Variants in KIAA1549L observed in about 807,000 individuals in gnomAD.
KIAA1549L encodes the protein UPF0606 protein KIAA1549L.
A neutral mutation model predicts 160.7 loss-of-function variants in KIAA1549L; 88 were observed. The ratio of observed to expected loss-of-function variants is 0.55; its 90% CI spans 0.46 to 0.65. The LOEUF is 0.65. KIAA1549L is among the 30% of genes least tolerant of loss of function. The pLI is 0.00. For synonymous variants in KIAA1549L, 950 were observed against 976.7 expected (o/e 0.97, Z 0.51); for missense variants, 2,258 against 2,437.5 (o/e 0.93, Z 1.55).
At chr11:33,557,882 G>T (rs1168875370) in intron 6 of KIAA1549L, among the ~76,000 whole-genome samples, 1 of 151,992 alleles carries the variant, frequency 6.6e-6, no homozygotes, top group Non-Finnish European at 1.5e-5. Flanking sequence ...GTGAGACCCT[G>T]TCTCTAAATA....
chr11:33,585,486 C>G (rs916443997), intron 11 of KIAA1549L, among the ~76,000 whole-genome samples: 1 of 152,024 alleles, frequency 6.6e-6, no homozygotes, highest in Non-Finnish European at 1.5e-5. Context: ...CCGTTGCACT[C>G]TAGCCTGGGC....
At chr11:33,580,507 G>T (rs997723983) in intron 10 of KIAA1549L, among the ~76,000 whole-genome samples, 1 of 148,572 alleles carries the variant, frequency 6.7e-6, no homozygotes, top group Non-Finnish European at 1.5e-5. Context: ...CTGGGAAGCA[G>T]AGGTTGCAGT....
chr11:33,492,315 T>C (rs2615940), intron 1 of KIAA1549L, among the ~76,000 whole-genome samples: 109,429 of 152,076 alleles, frequency 0.72, 40,042 homozygotes, highest in African/African-American at 0.86. Context: ...TGCAGTTAGC[T>C]GAGATCGTGC....
chr11:33,642,469 A>G (rs1851612349), intron 16 of KIAA1549L, among the ~76,000 whole-genome samples: 1 of 152,114 alleles, frequency 6.6e-6, no homozygotes. Context: ...AGGGAGGGGA[A>G]GGGGTTCTCA....
At chr11:33,614,531 G>GCTATAT (rs879500574) in intron 15 of KIAA1549L, among the ~76,000 whole-genome samples, 952 of 27,104 alleles carry the variant, frequency 0.035, 353 homozygotes, top group Non-Finnish European at 0.046. Flanking sequence ...AGTGTAACAA[G>GCTATAT]ATATATATAT....
At chr11:33,534,464 G>A (rs1853847448) in intron 1 of KIAA1549L, among the ~76,000 whole-genome samples, 1 of 152,068 alleles carries the variant, frequency 6.6e-6, no homozygotes, top group South Asian at 2.1e-4. Flanking sequence ...TTTAGTCTAA[G>A]TAGAAGAAAG....
chr11:33,657,622 C>A (rs1852110937), intron 18 of KIAA1549L, among the ~76,000 whole-genome samples: 1 of 152,016 alleles, frequency 6.6e-6, no homozygotes, highest in African/African-American at 2.4e-5. Flanking sequence ...TATGGTGAAA[C>A]CCCGTCTACA....
At chr11:33,525,227 A>T (rs1853585528) in intron 1 of KIAA1549L, among the ~76,000 whole-genome samples, 1 of 152,236 alleles carries the variant, frequency 6.6e-6, no homozygotes. Context: ...TCTGTAAGAC[A>T]GCCCAAAAAC....
At chr11:33,637,110 C>G (rs1265098515) in intron 16 of KIAA1549L, among the ~76,000 whole-genome samples, 2 of 152,172 alleles carry the variant, frequency 1.3e-5, no homozygotes, top group Non-Finnish European at 2.9e-5. Context: ...TTGGGGAGCT[C>G]AGAGACCATT....
At chr11:33,648,276 G>C (rs542781484) in intron 17 of KIAA1549L, among the ~76,000 whole-genome samples, 3 of 152,072 alleles carry the variant, frequency 2.0e-5, no homozygotes, top group Admixed American at 6.6e-5. Flanking sequence ...GATTACAGGC[G>C]TGAGCCATCA....
chr11:33,581,749 C>A (rs911267792), intron 10 of KIAA1549L, among the ~76,000 whole-genome samples: 1 of 152,154 alleles, frequency 6.6e-6, no homozygotes, highest in African/African-American at 2.4e-5. Flanking sequence ...ATGAACACAA[C>A]ATTGAGTTTG....
chr11:33,502,448 C>T (rs1852974200), intron 1 of KIAA1549L, among the ~76,000 whole-genome samples: 1 of 152,186 alleles, frequency 6.6e-6, no homozygotes. Context: ...TCTCCCTAAT[C>T]TGTTCTCAGG....
intron 3 of KIAA1549L, among the ~76,000 whole-genome samples, chr11:33,547,487 C>A (rs1854304512): frequency 6.6e-6 from 1 of 152,214 alleles, no homozygotes; most frequent in South Asian, 2.1e-4. Flanking sequence ...GTCGAGCCGG[C>A]TTTCAAAGTC....
intron 16 of KIAA1549L, among the ~76,000 whole-genome samples, chr11:33,627,365 C>T (rs1432413851): frequency 7.5e-4 from 113 of 150,500 alleles, no homozygotes; most frequent in Middle Eastern, 3.4e-3. Flanking sequence ...TGGTAGAATT[C>T]GGCTGTGAAT....
Position 33,667,980 on chromosome 11 carries a change from C to T in KIAA1549L, c.6267C>T (p.Ser2089=). 1 of 1,613,962 alleles carries T rather than the reference C, an allele frequency of 6.2e-7. No homozygotes were observed. The highest frequency in any genetic ancestry group is 1.3e-5 in the African/African-American group (1 of 75,060). ...GCCAGCCAGCCAACCTGCACCCCAG[C>T]CTGGAGCAGGCCCCGGCGCCCTCCA... ...QYSQPANLHP[S]LEQAPAPSTA... Residue 2089 remains serine (S), a synonymous_variant, in exon 21 of 21, where the codon AGC becomes AGT. Transcript: ENST00000658780.
chr11:33,667,971 G>A lies in KIAA1549L; in HGVS notation c.6258G>A (p.Leu2086=). The change falls in exon 21 of 21, where the codon CTG becomes CTA. Residue 2086 remains leucine, a synonymous_variant. Transcript: ENST00000658780. ...GTCAGTACAGCCAGCCAGCCAACCT[G>A]CACCCCAGCCTGGAGCAGGCCCCGG... ...LPRQYSQPAN[L]HPSLEQAPAP... The A allele has an allele frequency of 6.2e-7, 1 of 1,613,882 alleles. No homozygotes were observed. Among genetic ancestry groups the A allele is most frequent in the South Asian group, 1.1e-5 (1 of 91,080 alleles).
intron 1 of KIAA1549L, among the ~76,000 whole-genome samples, chr11:33,454,655 T>C (rs1050597132): frequency 6.6e-6 from 1 of 152,198 alleles, no homozygotes; most frequent in Non-Finnish European, 1.5e-5. Context: ...ATGGGTGTAT[T>C]GTATTTTTTT....
chr11:33,394,788 G>A (rs1475815336), intron 1 of KIAA1549L, among the ~76,000 whole-genome samples: 1 of 152,266 alleles, frequency 6.6e-6, no homozygotes, highest in Non-Finnish European at 1.5e-5. Flanking sequence ...TTAAAGCAGT[G>A]ATTCGGGGAC....
At chr11:33,389,864 A>G (rs1850240637) in intron 1 of KIAA1549L, among the ~76,000 whole-genome samples, 1 of 152,230 alleles carries the variant, frequency 6.6e-6, no homozygotes, top group Non-Finnish European at 1.5e-5. Context: ...ACATTGGTCC[A>G]GGGATTTGCA....
Sources: gnomAD v4.1 joint callset for allele counts (sites outside exome capture counted in the v4.1 genomes callset) on GRCh38, gnomAD v4.1.1 for gene constraint, MANE v1.5 for transcripts, NCBI Gene and HGNC (gene_info 2026-07-23, HGNC 2026-07-21) for gene names.